The following STK32C variants were observed in gnomAD, a reference collection of about 807,000 sequenced individuals.
The protein encoded by STK32C is serine/threonine kinase 32C.
A neutral mutation model predicts 56.5 loss-of-function variants in STK32C; 31 were observed. That is an observed-to-expected ratio of 0.55 (90% confidence interval 0.41 to 0.74). The LOEUF is 0.74. Among genes scored for constraint, STK32C ranks in the 30% least tolerant of loss-of-function variants. The probability of loss-of-function intolerance (pLI) is 0.00; values close to 1 mark genes in which losing one functional copy is unlikely to be tolerated. For synonymous variants in STK32C, 309 were observed against 289.4 expected (o/e 1.07, Z -0.69); for missense variants, 544 against 676.9 (o/e 0.80, Z 2.18).
At chr10:132,246,011 A>G in intron 1 of STK32C, 56 bp from the exon 2 acceptor site, 3 of 1,541,940 alleles carry the variant, frequency 1.9e-6, no homozygotes, top group South Asian at 1.1e-5. Flanking sequence ...CCCACCCCAG[A>G]GCAGCTCCCC....
At chr10:132,324,339 C>A (rs746455210) in exon 2 of STK32C, 18 of 779,380 alleles carry the variant, frequency 2.3e-5, no homozygotes, top group African/African-American at 1.0e-4. Context: ...ATCTTCCTGG[C>A]AAAATCCCAG....
At chr10:132,309,302 A>C (rs1198268065), upstream of STK32C, among the ~76,000 whole-genome samples, 2 of 152,104 alleles carry the variant, frequency 1.3e-5, no homozygotes, top group Admixed American at 6.5e-5. Context: ...ACTATAAGGA[A>C]TGGAACCATG....
At chr10:132,232,037 G>A (rs978858741) in intron 2 of STK32C, among the ~76,000 whole-genome samples, 3 of 152,222 alleles carry the variant, frequency 2.0e-5, no homozygotes, top group African/African-American at 7.2e-5. Context: ...CTGTGTCTCT[G>A]CATCCCTGAT....
chr10:132,228,027 C>T lies in STK32C; in HGVS notation c.420G>A (p.Arg140=). The change falls in exon 3 of 12, where the codon CGG becomes CGA. Residue 140 remains arginine (R), a synonymous_variant. Transcript: ENST00000298630. The part of the protein sequence containing the change: ...IERDEVRNVF[R]ELEILQEIEH... ...CGATCTCCTGCAGGATCTCCAGCTCCCGGAAGACGTTGCGGACCTCGTCGC... is the reference window on the plus strand; with the variant it reads ...CGATCTCCTGCAGGATCTCCAGCTCTCGGAAGACGTTGCGGACCTCGTCGC... 3.1e-6 allele frequency: 5 copies of T among 1,613,942 alleles called. No homozygotes were observed. Among genetic ancestry groups the T allele is most frequent in the Non-Finnish European group, 4.2e-6 (5 of 1,180,026 alleles).
chr10:132,226,978 C>G lies in STK32C; in HGVS notation c.471-10G>C. ...GTCCTGGAAGGAGTACCTGTGGGCA[C>G]CGATGGAAGGCCTGTTGTGCGCACA... On this transcript the variant is annotated splice_polypyrimidine_tract_variant and intron_variant, in intron 3 of 11. Coordinates refer to ENST00000298630, the MANE Select transcript of STK32C (RefSeq NM_173575.4). The G allele has an allele frequency of 6.2e-7, 1 of 1,612,884 alleles. No homozygotes were observed.
Position 132,207,803 on chromosome 10 carries a change from A to C in STK32C, c.*207T>G. The stretch of plus-strand genomic sequence containing the variant: ...AGGCGGGTCTCGGGGGCCCACGGGA[A>C]ATGCCCTCCACAGGTGTCCCCTGCA... On this transcript the variant is annotated 3_prime_UTR_variant, in exon 12 of 12. Transcript: ENST00000298630. The C allele has an allele frequency of 3.5e-6, 2 of 573,628 alleles. No homozygotes were observed. The highest frequency in any genetic ancestry group is 5.1e-6 in the Non-Finnish European group (2 of 389,862). The allele number at this position is 573,628 out of a possible 1,614,324, so 35.5% of individuals were successfully genotyped here.
chr10:132,301,508 G>A (rs1439753095), intron 1 of STK32C, among the ~76,000 whole-genome samples: 1 of 152,188 alleles, frequency 6.6e-6, no homozygotes, highest in African/African-American at 2.4e-5. Context: ...GGTCCCCGGG[G>A]AAGACAAGGC....
chr10:132,307,965 G>A (rs1210688816), upstream of STK32C: 6 of 1,000,516 alleles, frequency 6.0e-6, no homozygotes, highest in Non-Finnish European at 7.1e-6. This position sits in a 1 kb window ranked among gnomAD's most constrained non-coding sequence, Gnocchi z 4.4. Flanking sequence ...GGTGGAACCC[G>A]CCCCGTAGAT....
upstream of STK32C, among the ~76,000 whole-genome samples, chr10:132,308,511 G>C (rs7098286): frequency 6.3e-3 from 965 of 152,058 alleles, 10 homozygotes; most frequent in African/African-American, 0.023. Context: ...GGAATCTGCC[G>C]GGCAGAGCCC....
intron 4 of STK32C, 142 bp from the exon 5 acceptor site, chr10:132,225,926 G>C: frequency 3.7e-6 from 4 of 1,093,294 alleles, no homozygotes; most frequent in Non-Finnish European, 4.1e-6. Context: ...TTGGTCCTTG[G>C]ATGATGCTAG....
intron 1 of STK32C, among the ~76,000 whole-genome samples, chr10:132,294,044 C>T (rs920708344): frequency 6.6e-6 from 1 of 152,204 alleles, no homozygotes; most frequent in African/African-American, 2.4e-5. Context: ...AACTGAGACA[C>T]TCGAGTGGCA....
chr10:132,238,962 C>G (rs937773586), intron 2 of STK32C, among the ~76,000 whole-genome samples: 3 of 152,200 alleles, frequency 2.0e-5, no homozygotes, highest in Non-Finnish European at 4.4e-5. Flanking sequence ...ACTGTCCAGC[C>G]CTGTCGGGTC....
chr10:132,239,360 ATC>A (rs200805465), intron 2 of STK32C, among the ~76,000 whole-genome samples: 1,605 of 152,280 alleles, frequency 0.011, 33 homozygotes, highest in African/African-American at 0.034. Flanking sequence ...GGGGGAGCCC[ATC>A]TCACACACAC....
At chr10:132,242,911 G>A (rs2063556187) in intron 2 of STK32C, among the ~76,000 whole-genome samples, 1 of 152,164 alleles carries the variant, frequency 6.6e-6, no homozygotes, top group Non-Finnish European at 1.5e-5. Flanking sequence ...GGAAAACGCT[G>A]TACCCCCACC....
intron 1 of STK32C, among the ~76,000 whole-genome samples, chr10:132,298,454 C>T (rs181010882): frequency 1.1e-3 from 173 of 152,360 alleles, no homozygotes; most frequent in African/African-American, 4.0e-3. Flanking sequence ...ACAGGTCCCA[C>T]GGCAGCCCCT....
At chr10:132,311,390 C>T (rs2066218623), upstream of STK32C, among the ~76,000 whole-genome samples, 1 of 152,238 alleles carries the variant, frequency 6.6e-6, no homozygotes. The surrounding 1 kb of genome is among the most constrained non-coding windows in gnomAD (Gnocchi z 4.4). Flanking sequence ...GACAGCCTCC[C>T]TCCTGGGAAA....
At chr10:132,279,934 C>T (rs923104434) in intron 1 of STK32C, among the ~76,000 whole-genome samples, 23 of 148,096 alleles carry the variant, frequency 1.6e-4, no homozygotes, top group African/African-American at 5.8e-4. Flanking sequence ...CTGAGGCCTC[C>T]ACACCGTGAC....
rs534034144 is a variant in STK32C, at chr10:132,259,279, A to C, written c.263-13324T>G. On this transcript the variant is annotated intron_variant, in intron 1 of 11. Coordinates refer to ENST00000298630, the MANE Select transcript of STK32C (RefSeq NM_173575.4). ...TGACATGGTTTGGCTCTGTGTTCCC[A>C]CCCAAATCTCATGTAAGATGTAACT... Among the ~76,000 whole-genome samples, 287 of 152,214 alleles carry C rather than the reference A, an allele frequency of 1.9e-3. 2 individuals carry two copies. Among genetic ancestry groups the C allele is most frequent in the African/African-American group, 6.4e-3 (264 of 41,528 alleles).
chr10:132,298,165 C>A (rs1271104515), intron 1 of STK32C, among the ~76,000 whole-genome samples: 1 of 152,258 alleles, frequency 6.6e-6, no homozygotes, highest in Non-Finnish European at 1.5e-5. Context: ...CCCGGCCGAC[C>A]CGCAGCAGCC....
Sources: gnomAD v4.1 joint callset for allele counts (sites outside exome capture counted in the v4.1 genomes callset) on GRCh38, gnomAD v4.1.1 for gene constraint, Gnocchi (gnomAD v3.1) non-coding constraint, MANE v1.5 for transcripts, NCBI Gene and HGNC (gene_info 2026-07-23, HGNC 2026-07-21) for gene names.